CR1: variants seen among roughly 807,000 people sequenced by gnomAD.
CR1 encodes the protein complement C3b/C4b receptor 1 (Knops blood group).
CR1 carries 116 observed loss-of-function variants against 187.3 expected under a neutral mutation model. That is an observed-to-expected ratio of 0.62 (90% CI 0.53 to 0.72). The LOEUF is 0.72. Among genes scored for constraint, CR1 ranks in the 30% least tolerant of loss-of-function variants. CR1 has a pLI of 0.00. For synonymous variants in CR1, 576 were observed against 747.1 expected (o/e 0.77, Z 3.73); for missense variants, 1,731 against 2,110.7 (o/e 0.82, Z 3.52).
At chr1:207,515,059 ATATATACG>A (rs1397793858) in intron 4 of CR1, among the ~76,000 whole-genome samples, 1 of 147,216 alleles carries the variant, frequency 6.8e-6, no homozygotes, top group Non-Finnish European at 1.5e-5. Context: ...GTATATATGT[ATATATACG>A]TATATACGTA....
chr1:207,505,817 T>C lies in CR1; in HGVS notation c.122-87T>C, dbSNP rs867126183. 6 of 1,449,020 alleles carry C rather than the reference T, an allele frequency of 4.1e-6. No homozygotes were observed. In the South Asian group the frequency reaches 5.4e-5, roughly 13 times the overall value. 89.8% of individuals were successfully genotyped at this position (1,449,020 alleles called of 1,614,324 possible). A position where few individuals can be genotyped will look rare whatever the true frequency, so the allele number is the denominator to read the frequency against. Reference sequence around the variant, plus strand: ...CGCCACTGCACTCCAGCCTGGGTGATGGAGCCAGTCTCCGTCTCAAAAAAG... The same window carrying C: ...CGCCACTGCACTCCAGCCTGGGTGACGGAGCCAGTCTCCGTCTCAAAAAAG... On this transcript the variant is annotated intron_variant, in intron 1 of 46. Transcript: ENST00000367049.
chr1:207,595,629 A>T (rs114144376), intron 35 of CR1, among the ~76,000 whole-genome samples: 3,241 of 152,040 alleles, frequency 0.021, 64 homozygotes, highest in Non-Finnish European at 0.029. Context: ...GCACAGATGC[A>T]TCGTCTTAAA....
At position 207,582,019 on chromosome 1, in the gene CR1, A is replaced by G. The variant is rs1660972626; in HGVS notation, c.5302+16A>G. On this transcript the variant is annotated intron_variant, in intron 32 of 46. Coordinates refer to ENST00000367049, the MANE Select transcript of CR1 (RefSeq NM_000651.6). ...GTGTGTGAACGTGAGTAGATGGAAT[A>G]CTTGTTCAGTCTGGATCTTTCTGTT... The G allele has an allele frequency of 6.4e-7, 1 of 1,572,908 alleles. No homozygotes were observed. The highest frequency in any genetic ancestry group is 1.4e-5 in the African/African-American group (1 of 73,916).
In CR1 at chr1:207,575,677, C is replaced by A. The variant is rs908445235; in HGVS notation, c.4534C>A (p.Gln1512Lys). ...TTGGAGCACGAAGCCGCCAATTTGTCAACGTGAGTTGAAATCTCTTTCCCC... is the reference window on the plus strand; with the variant it reads ...TTGGAGCACGAAGCCGCCAATTTGTAAACGTGAGTTGAAATCTCTTTCCCC... ...AHWSTKPPIC[Q>K]RIPCGLPPTI... is the part of the protein sequence containing the mutation. Residue 1512 changes from glutamine (Q) to lysine (K), a missense_variant, in exon 28 of 47, where the codon CAA (glutamine) becomes AAA (lysine). This residue lies in a region of CR1 where 1,312 missense variants were observed against 1,379.6 expected (regional missense o/e 0.95). Coordinates refer to ENST00000367049, the MANE Select transcript of CR1 (RefSeq NM_000651.6). 1.2e-6 allele frequency: 2 copies of A among 1,611,702 alleles called. No homozygotes were observed. Among genetic ancestry groups the A allele is most frequent in the African/African-American group, 2.7e-5 (2 of 74,848 alleles).
intron 39 of CR1, among the ~76,000 whole-genome samples, chr1:207,613,850 C>T (rs1662015639): frequency 6.6e-6 from 1 of 152,112 alleles, no homozygotes; most frequent in South Asian, 2.1e-4. Flanking sequence ...TTCCCCCCTC[C>T]CTTCTTTTTT....
At chr1:207,584,601 A>G in intron 32 of CR1, 48 bp from the exon 33 acceptor site, 2 of 1,564,318 alleles carry the variant, frequency 1.3e-6, no homozygotes, top group Non-Finnish European at 1.8e-6. Context: ...ACCTTGGATT[A>G]TACTTTAAAA....
At chr1:207,619,376 C>CCAAAAA (rs1662245440) in intron 42 of CR1, among the ~76,000 whole-genome samples, 1 of 92,656 alleles carries the variant, frequency 1.1e-5, no homozygotes, top group Non-Finnish European at 2.2e-5. Context: ...CAGTGAGACT[C>CCAAAAA]AAAAAAAAAA....
chr1:207,597,001 C>T lies in CR1; in HGVS notation c.5810+8227C>T, dbSNP rs548111343. Among the ~76,000 whole-genome samples the T allele has an allele frequency of 6.7e-5, 10 of 148,644 alleles. No homozygotes were observed. The East Asian group carries it at 1.6e-3, about 23-fold the overall frequency. ...TATCATAGTTTTTCTTACTTCATTC[C>T]TAACTTCCTAGTTGTAGTGATAAAA... On this transcript the variant is annotated intron_variant, in intron 35 of 46. Transcript: ENST00000367049.
At chr1:207,631,191 T>C (rs576301164) in intron 46 of CR1, among the ~76,000 whole-genome samples, 68 of 152,312 alleles carry the variant, frequency 4.5e-4, no homozygotes, top group Middle Eastern at 3.4e-3. Context: ...TACACATTGC[T>C]AAAGATTTGG....
At chr1:207,586,121 G>GTT (rs767536695) in intron 33 of CR1, among the ~76,000 whole-genome samples, 5 of 63,720 alleles carry the variant, frequency 7.8e-5, no homozygotes, top group African/African-American at 4.3e-4. Flanking sequence ...TTTTTGTTTT[G>GTT]TTTTGTGTGT....
chr1:207,510,033 C>A (rs759332027), intron 3 of CR1, among the ~76,000 whole-genome samples: 2 of 152,042 alleles, frequency 1.3e-5, no homozygotes, highest in Non-Finnish European at 2.9e-5. Flanking sequence ...TGTGGTGAAG[C>A]CTGTTTCTAC....
rs376143216 is a variant in CR1, at chr1:207,639,583, G to C, written c.*174G>C. 77 of 604,356 alleles carry C rather than the reference G, an allele frequency of 1.3e-4. No homozygotes were observed. The highest frequency in any genetic ancestry group is 6.8e-4 in the African/African-American group (37 of 54,194). 37.4% of individuals were successfully genotyped at this position (604,356 alleles called of 1,614,324 possible). A position where few individuals can be genotyped will look rare whatever the true frequency, so the allele number is the denominator to read the frequency against. On this transcript the variant is annotated 3_prime_UTR_variant, in exon 47 of 47. Transcript: ENST00000367049. ...TTCCCTGGTACCTAGCAAAGCTCCT[G>C]CCTCTTTGTGTGCGTCACTGTGAAA...
chr1:207,575,078 A>G (rs577072836), intron 27 of CR1, among the ~76,000 whole-genome samples: 1 of 152,346 alleles, frequency 6.6e-6, no homozygotes, highest in Admixed American at 6.5e-5. Context: ...AATCAAATGT[A>G]TCATTTATCT....
Position 207,609,704 on chromosome 1 carries a change from C to G in CR1, c.6295+16C>G, listed in dbSNP as rs1308307099. The G allele has an allele frequency of 1.9e-6, 3 of 1,543,656 alleles. No individual in the cohort carries two copies. Among genetic ancestry groups the G allele is most frequent in the Non-Finnish European group, 2.6e-6 (3 of 1,148,082 alleles). ...TGCTCCAGGGGTGAGTGTGACCCAT[C>G]AAGACTTTGCTGGGTGTGAGGGTAC... On this transcript the variant is annotated intron_variant, in intron 37 of 46. Coordinates refer to ENST00000367049, the MANE Select transcript of CR1 (RefSeq NM_000651.6).
intron 4 of CR1, among the ~76,000 whole-genome samples, chr1:207,516,708 C>T (rs1215855506): frequency 2.0e-5 from 3 of 151,916 alleles, no homozygotes; most frequent in Non-Finnish European, 4.4e-5. Flanking sequence ...AAGTCATGTA[C>T]CTATTTCATT....
chr1:207,616,554 A>C (rs1662101669), intron 40 of CR1, 21 bp from the exon 41 acceptor site: 10 of 1,610,360 alleles, frequency 6.2e-6, no homozygotes, highest in Non-Finnish European at 8.5e-6. Flanking sequence ...ATAGAACTTA[A>C]AGCTCTTGTT....
At chr1:207,587,350 T>G (rs371944070) in intron 33 of CR1, 36 bp from the exon 34 acceptor site, 1 of 1,577,628 alleles carries the variant, frequency 6.3e-7, no homozygotes, top group African/African-American at 1.4e-5. Context: ...GAAGTCTCTC[T>G]GCTAACTTTG....
intron 1 of CR1, among the ~76,000 whole-genome samples, chr1:207,505,662 C>T (rs111838947): frequency 3.3e-5 from 5 of 151,926 alleles, no homozygotes; most frequent in African/African-American, 1.2e-4. Context: ...TGGTAAAACC[C>T]CATCTCTACT....
At chr1:207,605,569 G>A (rs1003598216) in intron 35 of CR1, among the ~76,000 whole-genome samples, 12 of 151,862 alleles carry the variant, frequency 7.9e-5, no homozygotes, top group African/African-American at 2.9e-4. Context: ...TCACATTTTG[G>A]CTCCAACAAT....
Sources: allele counts gnomAD v4.1 joint callset (sites outside exome capture counted in the v4.1 genomes callset), GRCh38; gene constraint gnomAD v4.1.1; regional missense constraint gnomAD v4.1.1; transcripts MANE v1.5; gene names NCBI Gene and HGNC (gene_info 2026-07-23, HGNC 2026-07-21).